Variants in CDK8 observed in about 807,000 individuals in gnomAD.
CDK8 encodes cyclin-dependent kinase 8.
CDK8 carries 29 observed loss-of-function variants against 71.5 expected under a neutral mutation model. That is an observed-to-expected ratio of 0.41 (90% CI 0.30 to 0.55). The LOEUF (loss-of-function observed/expected upper bound fraction) is 0.55, where lower values mean the gene tolerates loss of function less well. Ranked by LOEUF, CDK8 falls within the 20% of genes least tolerant of loss-of-function variation. The pLI, the probability that CDK8 is intolerant of heterozygous loss-of-function variation, is 0.37. For missense variants in CDK8, 288 were observed against 572.6 expected (o/e 0.50, Z 5.07); for synonymous variants, 161 against 192.1 (o/e 0.84, Z 1.34).
chr13:26,333,716 A>G (rs1272032214), intron 1 of CDK8, among the ~76,000 whole-genome samples: 1 of 152,190 alleles, frequency 6.6e-6, no homozygotes, highest in African/African-American at 2.4e-5. Context: ...TTTAAATTGG[A>G]TCTCATCCCC....
At chr13:26,314,359 CT>C (rs1350850885) in intron 1 of CDK8, among the ~76,000 whole-genome samples, 1 of 152,118 alleles carries the variant, frequency 6.6e-6, no homozygotes, top group Non-Finnish European at 1.5e-5. Flanking sequence ...AATCTAAATT[CT>C]TTGCTTTTAG....
rs145754100 is a variant in CDK8 at position 26,322,037 on chromosome 13, A to G, written c.129-15530A>G. Among the ~76,000 whole-genome samples the G allele has an allele frequency of 7.3e-3, 1,115 of 152,252 alleles. 14 individuals are homozygous for G. Among genetic ancestry groups the G allele is most frequent in the African/African-American group, 0.026 (1,066 of 41,546 alleles). On this transcript the variant is annotated intron_variant, in intron 1 of 12. Coordinates refer to ENST00000381527, the MANE Select transcript of CDK8 (RefSeq NM_001260.3). ...AAAATTCGGGATAAATGTTATCATC[A>G]TCATATAGAAATCCTATTCCTGGTC...
chr13:26,334,688 C>T (rs1335834362), intron 1 of CDK8, among the ~76,000 whole-genome samples: 11 of 152,064 alleles, frequency 7.2e-5, no homozygotes, highest in Admixed American at 3.9e-4. Flanking sequence ...AGCAATGTTA[C>T]GTTTTAGTAA....
chr13:26,293,829 T>C (rs910871699), intron 1 of CDK8, among the ~76,000 whole-genome samples: 12 of 152,148 alleles, frequency 7.9e-5, no homozygotes, highest in Non-Finnish European at 1.8e-4. Flanking sequence ...AAGTATACGT[T>C]TACTGTAGTC....
chr13:26,387,008 T>C (rs758315012), intron 6 of CDK8, among the ~76,000 whole-genome samples: 1 of 152,228 alleles, frequency 6.6e-6, no homozygotes, highest in African/African-American at 2.4e-5. Flanking sequence ...GTTTTCTGTT[T>C]CTCTCTTTCC....
intron 6 of CDK8, among the ~76,000 whole-genome samples, chr13:26,387,644 A>G (rs1565995710): frequency 6.6e-6 from 1 of 152,152 alleles, no homozygotes; most frequent in Non-Finnish European, 1.5e-5. Flanking sequence ...CAAGAACAAA[A>G]TCTTCGCAGC....
intron 1 of CDK8, among the ~76,000 whole-genome samples, chr13:26,334,400 C>T (rs1044635319): frequency 6.6e-6 from 1 of 152,154 alleles, no homozygotes; most frequent in Non-Finnish European, 1.5e-5. Flanking sequence ...TAACCCTGCC[C>T]ATGAAAGTGT....
chr13:26,315,144 G>C (rs926585154), intron 1 of CDK8, among the ~76,000 whole-genome samples: 5 of 151,996 alleles, frequency 3.3e-5, no homozygotes, highest in African/African-American at 1.2e-4. Flanking sequence ...CTTTTGGCTT[G>C]AAAGCACTCA....
At chr13:26,386,450 C>CA (rs1482639538) in intron 6 of CDK8, among the ~76,000 whole-genome samples, 1 of 152,090 alleles carries the variant, frequency 6.6e-6, no homozygotes, top group African/African-American at 2.4e-5. Flanking sequence ...GTATTAAACC[C>CA]ACTTTTCCTT....
chr13:26,339,537 T>C (rs1221586693), intron 2 of CDK8, among the ~76,000 whole-genome samples: 1 of 151,396 alleles, frequency 6.6e-6, no homozygotes, highest in East Asian at 1.9e-4. Flanking sequence ...GTCAGAATTG[T>C]TTGGGGTATT....
At chr13:26,337,336 A>C (rs1263364342) in intron 1 of CDK8, among the ~76,000 whole-genome samples, 1 of 152,178 alleles carries the variant, frequency 6.6e-6, no homozygotes, top group African/African-American at 2.4e-5. Flanking sequence ...TCCACAAGTA[A>C]CTGTGGAACC....
chr13:26,287,902 G>T (rs1299587204), intron 1 of CDK8, among the ~76,000 whole-genome samples: 1 of 152,154 alleles, frequency 6.6e-6, no homozygotes, highest in South Asian at 2.1e-4. Flanking sequence ...CCTGTGACTT[G>T]TGTTTTTACC....
chr13:26,361,527 T>C (rs1874135723), intron 4 of CDK8, among the ~76,000 whole-genome samples: 1 of 152,194 alleles, frequency 6.6e-6, no homozygotes, highest in Admixed American at 6.5e-5. Context: ...ACAAAGCCTA[T>C]TTTATAATAA....
chr13:26,389,816 G>A (rs948040974), intron 6 of CDK8, among the ~76,000 whole-genome samples: 1 of 151,960 alleles, frequency 6.6e-6, no homozygotes, highest in Admixed American at 6.6e-5. Flanking sequence ...TCACCAACAT[G>A]GTGAAACTCC....
At chr13:26,362,990 G>A (rs1593289583) in intron 4 of CDK8, among the ~76,000 whole-genome samples, 1 of 76,848 alleles carries the variant, frequency 1.3e-5, no homozygotes, top group African/African-American at 4.0e-5. Flanking sequence ...ACTTTTCATT[G>A]TAGTTTTTTT....
chr13:26,281,218 T>C (rs967675661), intron 1 of CDK8, among the ~76,000 whole-genome samples: 1 of 152,220 alleles, frequency 6.6e-6, no homozygotes, highest in Non-Finnish European at 1.5e-5. Flanking sequence ...ATCCAAGGAC[T>C]CTCACAGAGT....
At chr13:26,289,611 C>T (rs917322866) in intron 1 of CDK8, among the ~76,000 whole-genome samples, 2 of 151,766 alleles carry the variant, frequency 1.3e-5, no homozygotes, top group Admixed American at 1.3e-4. Context: ...AGTGCAGTGG[C>T]GGGATCTCGG....
intron 4 of CDK8, among the ~76,000 whole-genome samples, chr13:26,376,947 T>A (rs1024310234): frequency 6.6e-6 from 1 of 152,174 alleles, no homozygotes; most frequent in Non-Finnish European, 1.5e-5. Context: ...AAGCAAAAGG[T>A]AGGGTTAGTA....
At chr13:26,335,445 A>G (rs1398170291) in intron 1 of CDK8, among the ~76,000 whole-genome samples, 2 of 152,030 alleles carry the variant, frequency 1.3e-5, no homozygotes, top group Non-Finnish European at 2.9e-5. Context: ...GGCTTCGATC[A>G]CTGTGTCATG....
Sources: allele counts gnomAD v4.1 joint callset (sites outside exome capture counted in the v4.1 genomes callset), GRCh38; gene constraint gnomAD v4.1.1; transcripts MANE v1.5; gene names NCBI Gene and HGNC (gene_info 2026-07-23, HGNC 2026-07-21).